The following NGEF variants were observed in gnomAD, a reference collection of about 807,000 sequenced individuals.
NGEF encodes the protein ephexin-1.
A neutral mutation model predicts 80.9 loss-of-function variants in NGEF; 31 were observed. That is an observed-to-expected ratio of 0.38 (90% CI 0.29 to 0.52). NGEF has a LOEUF of 0.52. Ranked by LOEUF, NGEF falls within the 20% of genes least tolerant of loss-of-function variation. The pLI is 0.84. For missense variants in NGEF, 709 were observed against 926.2 expected (o/e 0.77, Z 3.04); for synonymous variants, 371 against 370.2 (o/e 1.00, Z -0.03).
In NGEF at chr2:232,970,221, CCT is replaced by C. The variant is rs765570847; in HGVS notation, c.374_375del (p.Gln125ArgfsTer4). 2 of 1,576,104 alleles carry C rather than the reference CCT, an allele frequency of 1.3e-6. No individual in the cohort carries two copies. Among genetic ancestry groups the C allele is most frequent in the Non-Finnish European group, 1.7e-6 (2 of 1,164,422 alleles). ...RTAMQTDPGA[Q>X]EMSESSSTPG... ...TGATCTGCCATCTCTTACCTCATTT[CCT>C]GGGCTCCTGGGTCTGTCTGCATTGC... On this transcript the variant is annotated frameshift_variant, in exon 3 of 15. Transcript: ENST00000264051. LOFTEE classifies it high-confidence loss of function.
intron 5 of NGEF, among the ~76,000 whole-genome samples, chr2:232,899,958 A>C (rs1307682633): frequency 1.6e-5 from 2 of 128,718 alleles, no homozygotes; most frequent in East Asian, 2.5e-4. Context: ...ACATGCTCTC[A>C]CAGTCACTCA....
At chr2:232,886,288 G>A (rs1691688661) in intron 9 of NGEF, among the ~76,000 whole-genome samples, 1 of 146,410 alleles carries the variant, frequency 6.8e-6, no homozygotes, top group South Asian at 2.1e-4. Flanking sequence ...ATGTGTGTGT[G>A]CGTGCTGTGT....
chr2:232,933,271 G>A (rs1229703492), intron 3 of NGEF, among the ~76,000 whole-genome samples: 3 of 152,002 alleles, frequency 2.0e-5, no homozygotes, highest in Admixed American at 6.6e-5. Flanking sequence ...TCAGTCCACA[G>A]CAGCCCCTAA....
At chr2:232,965,089 A>G (rs1342250315) in intron 3 of NGEF, among the ~76,000 whole-genome samples, 1 of 152,248 alleles carries the variant, frequency 6.6e-6, no homozygotes, top group East Asian at 1.9e-4. Context: ...AACGACAGCG[A>G]CGATTCCAAA....
At chr2:232,960,675 T>A (rs1349842263) in intron 3 of NGEF, among the ~76,000 whole-genome samples, 1 of 152,092 alleles carries the variant, frequency 6.6e-6, no homozygotes, top group Non-Finnish European at 1.5e-5. Flanking sequence ...GGTCAGAAGT[T>A]TGAGACCAGC....
chr2:232,906,782 G>C (rs12996094), intron 5 of NGEF, among the ~76,000 whole-genome samples: 63,716 of 147,622 alleles, frequency 0.43, 13,681 homozygotes, highest in Admixed American at 0.48. Context: ...GGATGGTTGC[G>C]GTGTCTGTGT....
intron 4 of NGEF, among the ~76,000 whole-genome samples, chr2:232,925,867 A>AGCCACCACC (rs1384274502): frequency 1.3e-5 from 2 of 152,108 alleles, no homozygotes; most frequent in African/African-American, 4.8e-5. Flanking sequence ...CAAAGGGAAA[A>AGCCACCACC]GCCACCACCA....
rs566782363 is a variant in NGEF at position 232,937,434 on chromosome 2, G to A, written c.384-10248C>T. Among the ~76,000 whole-genome samples the A allele has an allele frequency of 1.5e-4, 23 of 152,290 alleles. 1 individual carries two copies. The Middle Eastern group carries it at 0.017, about 113-fold the overall frequency. On this transcript the variant is annotated intron_variant, in intron 3 of 14. Coordinates refer to ENST00000264051, the MANE Select transcript of NGEF (RefSeq NM_019850.3). ...ATCTTCAGTGACTCTTCAGTACCTT[G>A]TGGGTAATTCATTGCTCAATGGAGT...
intron 2 of NGEF, among the ~76,000 whole-genome samples, chr2:232,971,934 C>G (rs757026849): frequency 5.3e-5 from 8 of 152,192 alleles, no homozygotes; most frequent in Non-Finnish European, 1.2e-4. Flanking sequence ...ACCTTGGCAG[C>G]TGCAGCTGCT....
In NGEF at chr2:233,013,129, G is replaced by A. The variant is rs908527467; in HGVS notation, c.-136C>T. On this transcript the variant is annotated 5_prime_UTR_variant, in exon 1 of 15. An upstream open reading frame in the 5' UTR gains an earlier in-frame stop. Transcript: ENST00000264051. ...AGAGAGTGTTCCTCCCTCGTCCCCT[G>A]TCCTGTCCAGGCACCTGCGAGCAGG... 3 of 471,068 alleles carry A rather than the reference G, an allele frequency of 6.4e-6. No individual in the cohort carries two copies. The Admixed American group carries it at 7.0e-5, about 11-fold the overall frequency. 29.2% of individuals were successfully genotyped at this position (471,068 alleles called of 1,614,324 possible).
chr2:232,933,847 G>T (rs1693268333), intron 3 of NGEF, among the ~76,000 whole-genome samples: 1 of 152,170 alleles, frequency 6.6e-6, no homozygotes, highest in African/African-American at 2.4e-5. Flanking sequence ...TTGCTGCCTG[G>T]CACTGTGATG....
intron 5 of NGEF, among the ~76,000 whole-genome samples, chr2:232,912,741 C>T (rs1692715727): frequency 6.6e-6 from 1 of 152,088 alleles, no homozygotes; most frequent in Non-Finnish European, 1.5e-5. Context: ...GTTTTGGTAG[C>T]TTTCAGTTTG....
At chr2:232,926,845 A>G (rs1345287076) in intron 4 of NGEF, among the ~76,000 whole-genome samples, 199 bp downstream of exon 4, 2 of 152,204 alleles carry the variant, frequency 1.3e-5, no homozygotes, top group African/African-American at 4.8e-5. Context: ...GCTAAAGCCC[A>G]CTTGTGCAGC....
Position 232,971,220 on chromosome 2 carries a change from G to A in NGEF, c.269-892C>T, listed in dbSNP as rs531889658. Among the ~76,000 whole-genome samples, 3 of 152,240 alleles carry A rather than the reference G, an allele frequency of 2.0e-5. No homozygotes were observed. In the East Asian group the frequency reaches 5.8e-4, roughly 29 times the overall value. ...TGAGCTTCTTTGGTGGCTGTGGAGTGACCCAGTAGCCCATTTTGTCTGCTC... is the reference window on the plus strand; with the variant it reads ...TGAGCTTCTTTGGTGGCTGTGGAGTAACCCAGTAGCCCATTTTGTCTGCTC... On this transcript the variant is annotated intron_variant, in intron 2 of 14. Coordinates refer to ENST00000264051, the MANE Select transcript of NGEF (RefSeq NM_019850.3).
chr2:232,927,468 G>A (rs770348871), intron 3 of NGEF, among the ~76,000 whole-genome samples: 2 of 152,110 alleles, frequency 1.3e-5, no homozygotes, highest in Non-Finnish European at 1.5e-5. Flanking sequence ...GAAACTTGGC[G>A]CACCGTGCCC....
At chr2:232,935,820 G>C (rs1007547914) in intron 3 of NGEF, among the ~76,000 whole-genome samples, 5 of 146,092 alleles carry the variant, frequency 3.4e-5, no homozygotes, top group African/African-American at 4.9e-5. Context: ...GTAGGAAAAT[G>C]CATTGAATTT....
At chr2:232,992,218 C>T (rs886654789) in intron 1 of NGEF, among the ~76,000 whole-genome samples, 6 of 152,100 alleles carry the variant, frequency 3.9e-5, no homozygotes, top group African/African-American at 1.2e-4. Context: ...ATAAATTGGA[C>T]GTCATCAAAA....
chr2:233,011,183 G>T (rs1188701760), intron 1 of NGEF, among the ~76,000 whole-genome samples: 3 of 152,110 alleles, frequency 2.0e-5, no homozygotes, highest in Non-Finnish European at 4.4e-5. Context: ...CTAGCCTGAG[G>T]GCCACCATTG....
At position 232,944,383 on chromosome 2, in the gene NGEF, T is replaced by G. The variant is rs146711404; in HGVS notation, c.384-17197A>C. Reference sequence around the variant, plus strand: ...ACAAGGTTATTCATTGTGGCATTATTTTTGAAAGTAACATATTGGAATCAA... The same window carrying G: ...ACAAGGTTATTCATTGTGGCATTATGTTTGAAAGTAACATATTGGAATCAA... On this transcript the variant is annotated intron_variant, in intron 3 of 14. Transcript: ENST00000264051. Among the ~76,000 whole-genome samples the G allele has an allele frequency of 8.9e-3, 1,360 of 152,264 alleles. 13 individuals are homozygous for G. The highest frequency in any genetic ancestry group is 0.012 in the Non-Finnish European group (844 of 68,020).
Sources: allele counts gnomAD v4.1 joint callset (sites outside exome capture counted in the v4.1 genomes callset), GRCh38; gene constraint gnomAD v4.1.1; transcripts MANE v1.5; gene names NCBI Gene and HGNC (gene_info 2026-07-23, HGNC 2026-07-21).